The following BOD1L1 variants were observed in gnomAD, a reference collection of about 807,000 sequenced individuals.
The protein encoded by BOD1L1 is biorientation of chromosomes in cell division 1 like 1, also known as biorientation of chromosomes in cell division protein 1-like 1.
In BOD1L1, 86 loss-of-function variants were observed where a neutral mutation model predicts 240.7. The observed-to-expected ratio is 0.36, with a 90% confidence interval of 0.30 to 0.43. BOD1L1 has a LOEUF of 0.43. BOD1L1 is among the 20% of genes least tolerant of loss of function. The pLI is 1.00. For synonymous variants in BOD1L1, 1,268 were observed against 1,272.3 expected, an observed-to-expected ratio of 1.00 and a Z score of 0.07; for missense variants, 3,554 against 3,643.5, an observed-to-expected ratio of 0.98 and a Z score of 0.63.
In BOD1L1 at chr4:13,601,629, A is replaced by G. The variant is rs1008996220; in HGVS notation, c.5271T>C (p.Gly1757=). Residue 1757 remains glycine (G), a synonymous_variant, in exon 10 of 26, where the codon GGT becomes GGC. Transcript: ENST00000040738. Reference sequence around the variant, plus strand: ...CATTATCTCCCAGGACAACACCTGCACCTGTAACCATGCGTTCCTCCCGGG... The same window carrying G: ...CATTATCTCCCAGGACAACACCTGCGCCTGTAACCATGCGTTCCTCCCGGG... ...AGPREERMVT[G]AGVVLGDNDA... 9 of 1,613,794 alleles carry G rather than the reference A, an allele frequency of 5.6e-6. No homozygotes were observed.
rs534014045 is a variant in BOD1L1, at chr4:13,599,090, T to A, written c.7810A>T (p.Thr2604Ser). The change falls in exon 10 of 26, where the codon ACT becomes TCT. Residue 2604 changes from threonine to serine, a missense_variant. By Grantham distance (58) the Thr-to-Ser change is moderately conservative. Coordinates refer to ENST00000040738, the MANE Select transcript of BOD1L1 (RefSeq NM_148894.3). ...TTGCCACTATAATCATTCTTTATAG[T>A]CAAGTCCTGCTCACATTTAGGAGCC... The part of the protein sequence containing the change: ...LLAPKCEQDL[T>S]IKNDYSGKWT... 1.9e-6 allele frequency: 3 copies of A among 1,613,914 alleles called. No homozygotes were observed. Among genetic ancestry groups the A allele is most frequent in the Non-Finnish European group, 2.5e-6 (3 of 1,179,910 alleles).
At chr4:13,588,185 CAAAAA>C (rs201474701) in intron 15 of BOD1L1, among the ~76,000 whole-genome samples, 1 of 76,492 alleles carries the variant, frequency 1.3e-5, no homozygotes, top group Non-Finnish European at 2.6e-5. Context: ...GAGACTGTTT[CAAAAA>C]AAAAAAAAAA....
chr4:13,627,496 C>G lies in BOD1L1; in HGVS notation c.92G>C (p.Gly31Ala). The part of the protein sequence containing the change: ...PQPQPPPPPP[G>A]PGAGPGAGGA... ...GCCCGCGCCGGGGCCAGCCCCGGGGCCCGGCGGCGGCGGCGGTGGCTGCGG... is the reference window on the plus strand; with the variant it reads ...GCCCGCGCCGGGGCCAGCCCCGGGGGCCGGCGGCGGCGGCGGTGGCTGCGG... The change falls in exon 1 of 26, where the codon GGC (glycine) becomes GCC (alanine). Residue 31 changes from glycine (G) to alanine (A), a missense_variant. Gly to Ala is a moderately conservative substitution (Grantham distance 60). Transcript: ENST00000040738. The G allele has an allele frequency of 1.0e-6, 1 of 1,001,106 alleles. No homozygotes were observed. Among genetic ancestry groups the G allele is most frequent in the Non-Finnish European group, 1.2e-6 (1 of 841,314 alleles). 62.0% of individuals were successfully genotyped at this position (1,001,106 alleles called of 1,614,324 possible).
chr4:13,604,181 T>C lies in BOD1L1; in HGVS notation c.2719A>G (p.Lys907Glu). ...TTTGATTTAGACTTCAACACAAGTT[T>C]CTCTTCTAACAAGCTCTTTGTTCGT... ...KRRTKSLLEEKLVLKSKSKTQ... is the reference protein window; with the variant it reads ...KRRTKSLLEEELVLKSKSKTQ... Residue 907 changes from lysine to glutamate, a missense_variant, in exon 10 of 26, where the codon AAA (lysine) becomes GAA (glutamate). Coordinates refer to ENST00000040738, the MANE Select transcript of BOD1L1 (RefSeq NM_148894.3). 6.2e-7 allele frequency: 1 copy of C among 1,613,070 alleles called. No homozygotes were observed. Among genetic ancestry groups the C allele is most frequent in the South Asian group, 1.1e-5 (1 of 90,736 alleles).
Position 13,597,152 on chromosome 4 carries a change from T to G in BOD1L1, c.7971A>C (p.Pro2657=), listed in dbSNP as rs907602272. 1 of 1,594,230 alleles carries G rather than the reference T, an allele frequency of 6.3e-7. No individual in the cohort carries two copies. The change falls in exon 11 of 26, where the codon CCA becomes CCC. Residue 2657 remains proline, a synonymous_variant. Transcript: ENST00000040738. ...GTTTCAATCCTCCCAAAACATTCAATGGAGACTCTTCATTGCCTAATAAAA... is the reference window on the plus strand; with the variant it reads ...GTTTCAATCCTCCCAAAACATTCAAGGGAGACTCTTCATTGCCTAATAAAA... ...NVCDIGNEES[P]LNVLGGLKLK...
At chr4:13,620,511 T>C (rs1185908111) in intron 1 of BOD1L1, among the ~76,000 whole-genome samples, 3 of 152,170 alleles carry the variant, frequency 2.0e-5, no homozygotes, top group Admixed American at 6.5e-5. Flanking sequence ...GAGCATTTAG[T>C]GAGCCTCCAA....
At position 13,620,086 on chromosome 4, in the gene BOD1L1, A is replaced by C. The variant is rs1215959336; in HGVS notation, c.244-19T>G. On this transcript the variant is annotated intron_variant, in intron 1 of 25. Transcript: ENST00000040738. The stretch of plus-strand genomic sequence containing the variant: ...ACGCAGGCTAGAGAGAAAAAAACGA[A>C]GGTAAGTCTTCAAGGTTATACAGTA... The C allele has an allele frequency of 8.2e-6, 13 of 1,586,080 alleles. No homozygotes were observed. Among genetic ancestry groups the C allele is most frequent in the Non-Finnish European group, 1.0e-5 (12 of 1,164,836 alleles).
chr4:13,627,453 ACCCGCGCCGCCCGCCCCG>A lies in BOD1L1; in HGVS notation c.117_134del (p.Gly40_Gly45del). 1 of 1,192,650 alleles carries A rather than the reference ACCCGCGCCGCCCGCCCCG, an allele frequency of 8.4e-7. No individual in the cohort carries two copies. The highest frequency in any genetic ancestry group is 1.0e-6 in the Non-Finnish European group (1 of 953,106). 73.9% of individuals were successfully genotyped at this position (1,192,650 alleles called of 1,614,324 possible). On this transcript the variant is annotated inframe_deletion, in exon 1 of 26. Transcript: ENST00000040738. ...CGAGCTGCGGGTCCCCGGCGCCCGC[ACCCGCGCCGCCCGCCCCG>A]CCCGCGCCGGGGCCAGCCCCGGGGC... is the stretch of plus-strand genomic sequence containing the variant.
chr4:13,573,442 G>GTCTGTCTGTCTATCTATCTA (rs1384944208), intron 25 of BOD1L1, among the ~76,000 whole-genome samples: 16 of 120,854 alleles, frequency 1.3e-4, no homozygotes, highest in South Asian at 1.2e-3. Context: ...CTGTCTGTCT[G>GTCTGTCTGTCTATCTATCTA]TCTATCTATC....
chr4:13,576,136 G>A (rs1407687874), intron 25 of BOD1L1, among the ~76,000 whole-genome samples: 3 of 151,868 alleles, frequency 2.0e-5, no homozygotes, highest in South Asian at 2.1e-4. Context: ...TCCGGACCTC[G>A]TGATTCGCCT....
In BOD1L1 at chr4:13,582,175, G is replaced by A; in HGVS notation, c.8592+62C>T. 2.2e-6 allele frequency: 3 copies of A among 1,369,672 alleles called. No individual in the cohort carries two copies. In the Admixed American group the frequency reaches 5.9e-5, roughly 27 times the overall value. The allele number at this position is 1,369,672 out of a possible 1,614,324, so 84.8% of individuals were successfully genotyped here. On this transcript the variant is annotated intron_variant, in intron 19 of 25. Transcript: ENST00000040738. ...AAAACTCAAGATAACAGTATTTAAT[G>A]AATTTAATTTGGTTAGTGCTTAAAT...
chr4:13,615,835 C>T (rs1716544905), intron 2 of BOD1L1, among the ~76,000 whole-genome samples: 1 of 152,160 alleles, frequency 6.6e-6, no homozygotes, highest in South Asian at 2.1e-4. Flanking sequence ...CCCTACTCTG[C>T]TCATGGCATA....
chr4:13,575,161 C>T (rs1023784610), intron 25 of BOD1L1, among the ~76,000 whole-genome samples: 10 of 151,864 alleles, frequency 6.6e-5, no homozygotes, highest in East Asian at 1.9e-4. Context: ...CCTCGTGATC[C>T]GCCGGCCTCA....
chr4:13,605,038 A>G lies in BOD1L1; in HGVS notation c.1862T>C (p.Val621Ala). 4 of 1,599,258 alleles carry G rather than the reference A, an allele frequency of 2.5e-6. No individual in the cohort carries two copies. The highest frequency in any genetic ancestry group is 2.6e-6 in the Non-Finnish European group (3 of 1,175,828). The change falls in exon 10 of 26, where the codon GTT (valine) becomes GCT (alanine). Residue 621 changes from valine (V) to alanine (A), a missense_variant. Physicochemically the swap from Val to Ala is moderately conservative, Grantham distance 64 (BLOSUM62 0). This residue lies in a region of BOD1L1 where 3,393 missense variants were observed against 3,427.1 expected (regional missense o/e 0.99). Coordinates refer to ENST00000040738, the MANE Select transcript of BOD1L1 (RefSeq NM_148894.3). ...TTTACTTGGTTCACTTTTTGCATGA[A>G]CATGCTTCAGCTCCTTTGAAGAAGA... ...KISSSKELKHVHAKSEPSKPA... is the reference protein window; with the variant it reads ...KISSSKELKHAHAKSEPSKPA...
intron 2 of BOD1L1, among the ~76,000 whole-genome samples, chr4:13,618,485 G>C (rs1716788591): frequency 6.6e-6 from 1 of 152,186 alleles, no homozygotes; most frequent in Non-Finnish European, 1.5e-5. Flanking sequence ...TCACCCAACA[G>C]ATCTTTTTTG....
Position 13,590,403 on chromosome 4 carries a change from T to A in BOD1L1, c.8192A>T (p.Glu2731Val). 6.6e-7 allele frequency: 1 copy of A among 1,511,794 alleles called. No individual in the cohort carries two copies. The highest frequency in any genetic ancestry group is 9.1e-7 in the Non-Finnish European group (1 of 1,102,874). The allele number at this position is 1,511,794 out of a possible 1,614,324, so 93.6% of individuals were successfully genotyped here. A position where few individuals can be genotyped will look rare whatever the true frequency, so the allele number is the denominator to read the frequency against. The part of the protein sequence containing the change: ...GFRTNEEIHS[E>V]SYNKGEISSG... ...TAACTTACCTCCTTTGTTATAAGATTCGCTATGAATTTCTTCATTTGTTCT... is the reference window on the plus strand; with the variant it reads ...TAACTTACCTCCTTTGTTATAAGATACGCTATGAATTTCTTCATTTGTTCT... Residue 2731 changes from glutamate (E) to valine (V), a missense_variant, in exon 14 of 26, where the codon GAA becomes GTA. Coordinates refer to ENST00000040738, the MANE Select transcript of BOD1L1 (RefSeq NM_148894.3).
intron 16 of BOD1L1, among the ~76,000 whole-genome samples, chr4:13,586,836 T>A (rs2108905494): frequency 6.6e-6 from 1 of 152,250 alleles, no homozygotes; most frequent in African/African-American, 2.4e-5. Flanking sequence ...GGAATCAGAT[T>A]TATGTGGTGA....
intron 25 of BOD1L1, among the ~76,000 whole-genome samples, chr4:13,575,892 A>G (rs55897226): frequency 7.0e-6 from 1 of 143,314 alleles, no homozygotes; most frequent in Non-Finnish European, 1.5e-5. Flanking sequence ...AGTTTGCCAA[A>G]CCCTTTTTTT....
chr4:13,603,546 C>T lies in BOD1L1; in HGVS notation c.3354G>A (p.Glu1118=), dbSNP rs1325852724. 6.8e-6 allele frequency: 11 copies of T among 1,613,896 alleles called. No individual in the cohort carries two copies. The Admixed American group carries it at 1.8e-4, about 27-fold the overall frequency. ...SGDMTLIPEQ[E]PMEIDSEPGV... is the part of the protein sequence containing the mutation. ...CTGGCTCAGAATCAATTTCCATTGG[C>T]TCTTGTTCAGGGATCAATGTCATAT... Residue 1118 remains glutamate (E), a synonymous_variant, in exon 10 of 26, where the codon GAG becomes GAA. Coordinates refer to ENST00000040738, the MANE Select transcript of BOD1L1 (RefSeq NM_148894.3).
Sources: gnomAD v4.1 joint callset for allele counts (sites outside exome capture counted in the v4.1 genomes callset) on GRCh38, gnomAD v4.1.1 for gene constraint, gnomAD v4.1.1 regional missense constraint, MANE v1.5 for transcripts, NCBI Gene and HGNC (gene_info 2026-07-23, HGNC 2026-07-21) for gene names.